The following PDHX variants were observed in gnomAD, a reference collection of about 807,000 sequenced individuals.
PDHX encodes the protein pyruvate dehydrogenase complex component X.
A neutral mutation model predicts 55.3 loss-of-function variants in PDHX; 33 were observed. The ratio of observed to expected loss-of-function variants is 0.60; its 90% confidence interval spans 0.45 to 0.80. PDHX has a LOEUF of 0.80. Ranked by LOEUF, PDHX falls within the 30% of genes least tolerant of loss-of-function variation. The pLI, the probability that PDHX is intolerant of heterozygous loss-of-function variation, is 0.00. For synonymous variants in PDHX, 226 were observed against 219.4 expected (o/e 1.03, Z -0.27); for missense variants, 622 against 619.9 (o/e 1.00, Z -0.04).
Position 34,957,593 on chromosome 11 carries a change from T to C in PDHX, c.542+10T>C, listed in dbSNP as rs368960575. 357 of 1,603,794 alleles carry C rather than the reference T, an allele frequency of 2.2e-4. 1 individual carries two copies. The highest frequency in any genetic ancestry group is 2.3e-4 in the Non-Finnish European group (274 of 1,170,820). On this transcript the variant is annotated intron_variant, in intron 4 of 10. Transcript: ENST00000227868. ...TACCCGGGACACTACGGTGAGTATA[T>C]ATTTATTCAAAGGATGATGTAAAAA... is the stretch of plus-strand genomic sequence containing the variant.
chr11:34,941,551 T>C (rs1854481014), intron 2 of PDHX, among the ~76,000 whole-genome samples: 1 of 152,234 alleles, frequency 6.6e-6, no homozygotes, highest in Admixed American at 6.5e-5. Context: ...TTAATGTTCA[T>C]GTTAATCTGA....
chr11:34,988,558 C>CAAA (rs201687707), intron 9 of PDHX, among the ~76,000 whole-genome samples: 1,574 of 140,534 alleles, frequency 0.011, 36 homozygotes, highest in African/African-American at 0.038. Flanking sequence ...TGTTTTCTGT[C>CAAA]AAAAAAAAAA....
rs763022273 is a variant in PDHX, at chr11:34,957,577, C to T, written c.536C>T (p.Thr179Ile). 2 of 1,610,052 alleles carry T rather than the reference C, an allele frequency of 1.2e-6. No individual in the cohort carries two copies. Among genetic ancestry groups the T allele is most frequent in the South Asian group, 1.1e-5 (1 of 90,974 alleles). ...GTCAAGAAGGAACACATACCCGGGA[C>T]ACTACGGTGAGTATATATTTATTCA... ...IPVKKEHIPG[T>I]LRFRLSPAAR... Residue 179 changes from threonine to isoleucine, a missense_variant, in exon 4 of 11, where the codon ACA becomes ATA. Coordinates refer to ENST00000227868, the MANE Select transcript of PDHX (RefSeq NM_003477.3).
rs1479564327 is a variant in PDHX, at chr11:34,937,741, A to C, written c.241+6257A>C. 2.6e-5 allele frequency among the ~76,000 whole-genome samples: 4 copies of C among 152,290 alleles called. No homozygotes were observed. In the East Asian group the frequency reaches 7.7e-4, roughly 29 times the overall value. Reference sequence around the variant, plus strand: ...CCCCTAAAGAGTCCTCCTGAGGGTCAAATTTATAGAACTTGCATTTTCTGG... The same window carrying C: ...CCCCTAAAGAGTCCTCCTGAGGGTCCAATTTATAGAACTTGCATTTTCTGG... On this transcript the variant is annotated intron_variant, in intron 2 of 10. Coordinates refer to ENST00000227868, the MANE Select transcript of PDHX (RefSeq NM_003477.3).
In PDHX at chr11:34,960,454, G is replaced by C. The variant is rs149337104; in HGVS notation, c.577G>C (p.Glu193Gln). The C allele has an allele frequency of 2.1e-4, 341 of 1,613,278 alleles. No homozygotes were observed. The highest frequency in any genetic ancestry group is 2.7e-4 in the Non-Finnish European group (314 of 1,179,626). Residue 193 changes from glutamate (E) to glutamine (Q), a missense_variant, in exon 5 of 11, where the codon GAA becomes CAA. By Grantham distance (29) the Glu-to-Gln change is conservative. Transcript: ENST00000227868. The stretch of plus-strand genomic sequence containing the variant: ...AAGTCCAGCTGCCCGCAATATTCTG[G>C]AAAAACACTCACTGGATGCTAGCCA... Reference protein sequence around the residue: ...RLSPAARNILEKHSLDASQGT... With the variant: ...RLSPAARNILQKHSLDASQGT...
chr11:34,949,418 T>C (rs766393028), intron 3 of PDHX, among the ~76,000 whole-genome samples: 1 of 152,174 alleles, frequency 6.6e-6, no homozygotes, highest in Non-Finnish European at 1.5e-5. Flanking sequence ...TTTGTATTTT[T>C]AGTAGAGACG....
chr11:34,934,996 T>C (rs1196214220), intron 2 of PDHX, among the ~76,000 whole-genome samples: 1 of 151,890 alleles, frequency 6.6e-6, no homozygotes, highest in African/African-American at 2.4e-5. Flanking sequence ...AATGACAGTA[T>C]CTCTGGGATT....
chr11:34,958,793 C>T (rs1212142062), intron 4 of PDHX, among the ~76,000 whole-genome samples: 1 of 152,166 alleles, frequency 6.6e-6, no homozygotes, highest in Non-Finnish European at 1.5e-5. Flanking sequence ...CAGTCATCAT[C>T]AGAGACTCGC....
At chr11:34,932,419 C>T (rs765004825) in intron 2 of PDHX, among the ~76,000 whole-genome samples, 4 of 152,028 alleles carry the variant, frequency 2.6e-5, no homozygotes, top group Admixed American at 1.3e-4. Flanking sequence ...AGAAAGTGGG[C>T]GATACATGAA....
chr11:34,929,038 A>G (rs968437561), intron 1 of PDHX, among the ~76,000 whole-genome samples: 4 of 152,210 alleles, frequency 2.6e-5, no homozygotes, highest in African/African-American at 9.6e-5. Context: ...TGTTTCAGCT[A>G]CAGTTATTGA....
At chr11:34,990,084 C>T (rs1459813799) in intron 9 of PDHX, among the ~76,000 whole-genome samples, 3 of 152,122 alleles carry the variant, frequency 2.0e-5, no homozygotes, top group Non-Finnish European at 4.4e-5. Flanking sequence ...TAGGCATACC[C>T]CAGCCAAGTT....
intron 8 of PDHX, among the ~76,000 whole-genome samples, chr11:34,983,618 T>A (rs1855571892): frequency 6.6e-6 from 1 of 150,812 alleles, no homozygotes; most frequent in East Asian, 1.9e-4. Flanking sequence ...CAATCATTCT[T>A]ATACACCAAT....
chr11:34,965,890 A>G (rs1260481516), intron 5 of PDHX, among the ~76,000 whole-genome samples: 1 of 152,174 alleles, frequency 6.6e-6, no homozygotes, highest in East Asian at 1.9e-4. Flanking sequence ...CTTATTGGAT[A>G]TTAAAATGTT....
In PDHX at chr11:34,916,678, G is replaced by C. The variant is rs374254725; in HGVS notation, c.23G>C (p.Gly8Ala). The C allele has an allele frequency of 2.4e-5, 39 of 1,611,266 alleles. No individual in the cohort carries two copies. The South Asian group carries it at 4.3e-4, about 18-fold the overall frequency. Residue 8 changes from glycine to alanine, a missense_variant, in exon 1 of 11, where the codon GGC (glycine) becomes GCC (alanine). Coordinates refer to ENST00000227868, the MANE Select transcript of PDHX (RefSeq NM_003477.3). ...AAGATGGCGGCCTCCTGGAGGCTGG[G>C]CTGTGATCCGCGGCTGCTGCGTTAT... MAASWRLGCDPRLLRYLV... is the reference protein window; with the variant it reads MAASWRLACDPRLLRYLV...
intron 3 of PDHX, among the ~76,000 whole-genome samples, chr11:34,951,117 C>T (rs12799433): frequency 0.61 from 85,928 of 141,206 alleles, 27,262 homozygotes; most frequent in East Asian, 0.75. Flanking sequence ...AGTGCAGTGG[C>T]GCAATCTCGG....
intron 1 of PDHX, among the ~76,000 whole-genome samples, chr11:34,924,084 G>A (rs1389314443): frequency 6.6e-6 from 1 of 152,122 alleles, no homozygotes; most frequent in African/African-American, 2.4e-5. Flanking sequence ...ACAATATTGT[G>A]ACATCTTACA....
chr11:34,981,695 A>G (rs1352672178), intron 8 of PDHX, among the ~76,000 whole-genome samples: 1 of 152,126 alleles, frequency 6.6e-6, no homozygotes, highest in African/African-American at 2.4e-5. Context: ...TTGCCATTCT[A>G]ACTGGTGTGA....
At chr11:34,917,745 G>T (rs3763926) in intron 1 of PDHX, among the ~76,000 whole-genome samples, 2 of 151,972 alleles carry the variant, frequency 1.3e-5, no homozygotes, top group Non-Finnish European at 2.9e-5. Flanking sequence ...GTTCCTAAAG[G>T]TTCCTTAATG....
chr11:34,962,091 A>G (rs117148259), intron 5 of PDHX, among the ~76,000 whole-genome samples: 9 of 152,240 alleles, frequency 5.9e-5, no homozygotes, highest in Non-Finnish European at 1.2e-4. Flanking sequence ...AGGATTAGGA[A>G]TAAGAGTCTG....
Sources: gnomAD v4.1 joint callset for allele counts (sites outside exome capture counted in the v4.1 genomes callset) on GRCh38, gnomAD v4.1.1 for gene constraint, MANE v1.5 for transcripts, NCBI Gene and HGNC (gene_info 2026-07-23, HGNC 2026-07-21) for gene names.